Variants in DLC1 observed in about 807,000 individuals in gnomAD.
DLC1 encodes DLC1 Rho GTPase activating protein, also known as rho GTPase-activating protein 7.
A neutral mutation model predicts 140.3 loss-of-function variants in DLC1; 54 were observed. That is an observed-to-expected ratio of 0.38 (90% CI 0.31 to 0.48). DLC1 has a LOEUF of 0.48. Ranked by LOEUF, DLC1 falls within the 20% of genes least tolerant of loss-of-function variation. DLC1 has a pLI of 0.96. For missense variants in DLC1, 2,536 were observed against 1,907.0 expected, an observed-to-expected ratio of 1.33 and a Z score of -6.14; for synonymous variants, 986 against 728.1, an observed-to-expected ratio of 1.35 and a Z score of -5.70.
chr8:13,377,633 G>A (rs17092251), intron 4 of DLC1, among the ~76,000 whole-genome samples: 16,178 of 151,916 alleles, frequency 0.11, 2,837 homozygotes, highest in African/African-American at 0.37. Context: ...TTTACTGTGC[G>A]ATACACATTT....
chr8:13,133,207 G>A, intron 5 of DLC1: 9 of 1,422,464 alleles, frequency 6.3e-6, no homozygotes, highest in Non-Finnish European at 8.2e-6. Context: ...AGAAGTCCGT[G>A]AGCCGGCGCT....
intron 5 of DLC1, among the ~76,000 whole-genome samples, chr8:13,294,833 G>T (rs1375406827): frequency 1.3e-5 from 2 of 152,180 alleles, no homozygotes; most frequent in African/African-American, 4.8e-5. Context: ...ATCTTAGGGA[G>T]CCTCTCTGAG....
chr8:13,356,937 G>A (rs912816724), intron 4 of DLC1, among the ~76,000 whole-genome samples: 4 of 151,892 alleles, frequency 2.6e-5, no homozygotes, highest in Admixed American at 6.6e-5. Flanking sequence ...GTCTTGTAGG[G>A]TAGAGGATTT....
intron 5 of DLC1, among the ~76,000 whole-genome samples, chr8:13,182,889 A>C (rs1826122996): frequency 6.6e-6 from 1 of 152,178 alleles, no homozygotes; most frequent in African/African-American, 2.4e-5. Flanking sequence ...GATGCCATTG[A>C]ATCTGTAAAT....
chr8:13,316,349 AGT>A (rs1231134875), intron 4 of DLC1, among the ~76,000 whole-genome samples: 16 of 152,194 alleles, frequency 1.1e-4, no homozygotes, highest in Admixed American at 2.0e-4. Flanking sequence ...GTCATAGGTG[AGT>A]TTTATACAAT....
intron 2 of DLC1, among the ~76,000 whole-genome samples, chr8:13,409,232 C>G (rs570208536): frequency 5.3e-5 from 8 of 151,948 alleles, no homozygotes; most frequent in African/African-American, 1.9e-4. Context: ...GTATATAATA[C>G]ATAAATAATC....
At chr8:13,124,338 G>A (rs780682376) in intron 5 of DLC1, among the ~76,000 whole-genome samples, 1 of 152,134 alleles carries the variant, frequency 6.6e-6, no homozygotes, top group Non-Finnish European at 1.5e-5. Context: ...GCAGGAGAGG[G>A]GATTCGGTGT....
At chr8:13,506,394 T>G (rs1175545150) in intron 1 of DLC1, among the ~76,000 whole-genome samples, 3 of 151,616 alleles carry the variant, frequency 2.0e-5, no homozygotes, top group Admixed American at 6.6e-5. Flanking sequence ...ATAACAGTAC[T>G]GCCATTTTAC....
At chr8:13,586,026 G>A (rs914562812) in intron 1 of DLC1, among the ~76,000 whole-genome samples, 1 of 152,064 alleles carries the variant, frequency 6.6e-6, no homozygotes, top group African/African-American at 2.4e-5. Context: ...GACATTCAAG[G>A]GAATGATTCT....
At chr8:13,446,578 AAAG>A (rs1390836849) in intron 2 of DLC1, among the ~76,000 whole-genome samples, 1 of 152,108 alleles carries the variant, frequency 6.6e-6, no homozygotes, top group East Asian at 1.9e-4. Flanking sequence ...AGGAAGGAAA[AAAG>A]AGAAAGAAAC....
At chr8:13,100,904 G>GTTTT (rs371679768) in intron 8 of DLC1, 134 bp from the exon 9 acceptor site, 479 of 590,668 alleles carry the variant, frequency 8.1e-4, no homozygotes, top group South Asian at 1.8e-3. Context: ...TAATTTTAAA[G>GTTTT]TTTTTTTTTT....
chr8:13,140,790 A>T (rs142048576), intron 5 of DLC1, among the ~76,000 whole-genome samples: 1 of 152,200 alleles, frequency 6.6e-6, no homozygotes, highest in Non-Finnish European at 1.5e-5. Flanking sequence ...GACCCCAGAA[A>T]GGCGAAGACA....
chr8:13,367,223 C>G lies in DLC1; in HGVS notation c.1314+26330G>C, dbSNP rs574441826. On this transcript the variant is annotated intron_variant, in intron 4 of 17. Coordinates refer to ENST00000276297, the MANE Select transcript of DLC1 (RefSeq NM_182643.3). ...TACCTTGGGTCTTGCAAGGCTAGATCTGATCAGTTTTACAAGGAGAAGGGG... is the reference window on the plus strand; with the variant it reads ...TACCTTGGGTCTTGCAAGGCTAGATGTGATCAGTTTTACAAGGAGAAGGGG... 3.3e-4 allele frequency among the ~76,000 whole-genome samples: 50 copies of G among 152,266 alleles called. 1 individual carries two copies. The highest frequency in any genetic ancestry group is 1.2e-3 in the African/African-American group (50 of 41,550).
At chr8:13,363,117 A>G (rs1272403215) in intron 4 of DLC1, among the ~76,000 whole-genome samples, 1 of 152,244 alleles carries the variant, frequency 6.6e-6, no homozygotes, top group Non-Finnish European at 1.5e-5. Flanking sequence ...AATGAGACAA[A>G]CATCACACAA....
intron 1 of DLC1, among the ~76,000 whole-genome samples, chr8:13,538,153 T>C (rs10089628): frequency 0.5 from 76,281 of 151,894 alleles, 21,448 homozygotes; most frequent in Non-Finnish European, 0.64. Flanking sequence ...TGTGGAGAAA[T>C]AGGCCTTCTT....
intron 5 of DLC1, among the ~76,000 whole-genome samples, chr8:13,184,547 T>G (rs113551278): frequency 0.1 from 15,333 of 152,282 alleles, 839 homozygotes; most frequent in South Asian, 0.16. Flanking sequence ...TGCCTTCATT[T>G]CATTATTTAC....
At chr8:13,266,298 C>G (rs1268861271) in intron 5 of DLC1, among the ~76,000 whole-genome samples, 3 of 152,162 alleles carry the variant, frequency 2.0e-5, no homozygotes, top group Non-Finnish European at 4.4e-5. Flanking sequence ...ATGTTATCAT[C>G]CACATTCTCT....
At chr8:13,567,991 A>G (rs1165674579) in intron 1 of DLC1, 5 of 1,480,360 alleles carry the variant, frequency 3.4e-6, no homozygotes, top group Non-Finnish European at 4.5e-6. Flanking sequence ...AGTAATTACC[A>G]TAATTTCTAC....
intron 5 of DLC1, among the ~76,000 whole-genome samples, chr8:13,286,535 C>G (rs528956756): frequency 6.6e-6 from 1 of 151,752 alleles, no homozygotes; most frequent in Non-Finnish European, 1.5e-5. Context: ...TCTATTGTAT[C>G]ACATTATTAT....
Sources: gnomAD v4.1 joint callset for allele counts (sites outside exome capture counted in the v4.1 genomes callset) on GRCh38, gnomAD v4.1.1 for gene constraint, MANE v1.5 for transcripts, NCBI Gene and HGNC (gene_info 2026-07-23, HGNC 2026-07-21) for gene names.